Variants in MEGF11 observed in about 807,000 individuals in gnomAD.
MEGF11 encodes the protein multiple epidermal growth factor-like domains protein 11.
MEGF11 carries 126 observed loss-of-function variants against 146.6 expected under a neutral mutation model. The ratio of observed to expected loss-of-function variants is 0.86; its 90% CI spans 0.74 to 1.00. The LOEUF is 1.00. Ranked by LOEUF, MEGF11 falls within the 50% of genes least tolerant of loss-of-function variation. The probability of loss-of-function intolerance (pLI) is 0.00; values close to 1 mark genes in which losing one functional copy is unlikely to be tolerated. For missense variants in MEGF11, 1,509 were observed against 1,521.2 expected (o/e 0.99, Z 0.13); for synonymous variants, 532 against 583.4 (o/e 0.91, Z 1.27).
chr15:65,918,216 G>GA lies in MEGF11; in HGVS notation c.1958-123dup, dbSNP rs941370149. ...TGATCACCCAGGGGTCATGGATCTG[G>GA]ATGGAGACCACGCCCGCCTTGGTAC... is the stretch of plus-strand genomic sequence containing the variant. On this transcript the variant is annotated intron_variant, in intron 15 of 25. Coordinates refer to ENST00000395614, the MANE Select transcript of MEGF11 (RefSeq NM_001385028.1). The GA allele has an allele frequency of 3.5e-6, 5 of 1,417,798 alleles. No homozygotes were observed. In the African/African-American group the frequency reaches 7.1e-5, roughly 20 times the overall value. The allele number at this position is 1,417,798 out of a possible 1,614,324, so 87.8% of individuals were successfully genotyped here.
At chr15:66,117,102 G>A (rs540695129) in intron 4 of MEGF11, among the ~76,000 whole-genome samples, 2 of 152,324 alleles carry the variant, frequency 1.3e-5, no homozygotes, top group East Asian at 3.9e-4. Context: ...AGATGGATCA[G>A]CGTATGTAAA....
chr15:66,059,900 G>A (rs902944804), intron 5 of MEGF11, among the ~76,000 whole-genome samples: 2 of 152,158 alleles, frequency 1.3e-5, no homozygotes, highest in Admixed American at 6.5e-5. Context: ...TATCTTGCTC[G>A]AAAAACAACC....
intron 1 of MEGF11, among the ~76,000 whole-genome samples, chr15:66,251,340 C>A (rs1406321182): frequency 3.3e-5 from 5 of 152,228 alleles, no homozygotes; most frequent in African/African-American, 9.6e-5. Flanking sequence ...CCTAATCCAG[C>A]CCCTCCCGAA....
chr15:66,021,121 A>G (rs1004613240), intron 5 of MEGF11, among the ~76,000 whole-genome samples: 2 of 151,452 alleles, frequency 1.3e-5, no homozygotes, highest in African/African-American at 2.4e-5. Context: ...GAAATTCCCA[A>G]CCTCTCTTGG....
rs779114653 is a variant in MEGF11 at position 66,094,472 on chromosome 15, C to G, written c.324G>C (p.Val108=). The G allele has an allele frequency of 3.8e-6, 6 of 1,560,770 alleles. No individual in the cohort carries two copies. In the Admixed American group the frequency reaches 1.2e-4, roughly 30 times the overall value. The change falls in exon 5 of 26, where the codon GTG becomes GTC. Residue 108 remains valine (V), a synonymous_variant. Transcript: ENST00000395614. ...FCIPLCTEEC[V]HGRCVSPDTC... ...TGTCCGGGGAAACGCAGCGGCCGTGCACACACTCCTCCGTACACAGGGCTG... is the reference window on the plus strand; with the variant it reads ...TGTCCGGGGAAACGCAGCGGCCGTGGACACACTCCTCCGTACACAGGGCTG...
rs2088508321 is a variant in MEGF11 at position 66,128,748 on chromosome 15, ACCCAGGGAC to A, written c.-8-346_-8-338del. On this transcript the variant is annotated intron_variant, in intron 1 of 25. Transcript: ENST00000395614. ...CTCAGGCCCCCGGGCCCATCCTTGGACCCAGGGACCCCAGATCTGGACTGCTTTAAAGGG... is the reference window on the plus strand; with the variant it reads ...CTCAGGCCCCCGGGCCCATCCTTGGACCCAGATCTGGACTGCTTTAAAGGG... Among the ~76,000 whole-genome samples the A allele has an allele frequency of 2.6e-5, 4 of 152,082 alleles. No individual in the cohort carries two copies. In the South Asian group the frequency reaches 8.3e-4, roughly 32 times the overall value.
At chr15:65,931,752 A>T (rs1475263230) in intron 10 of MEGF11, among the ~76,000 whole-genome samples, 1 of 152,232 alleles carries the variant, frequency 6.6e-6, no homozygotes, top group Non-Finnish European at 1.5e-5. Context: ...CATTTGCCTG[A>T]GCCTCAGAGA....
chr15:65,976,105 T>TCA (rs2081438064), intron 7 of MEGF11, among the ~76,000 whole-genome samples: 5 of 149,106 alleles, frequency 3.4e-5, no homozygotes, highest in African/African-American at 1.2e-4. Context: ...TGCAATGATG[T>TCA]GATCTCAGCT....
chr15:65,899,248 A>T (rs2078432737), intron 24 of MEGF11, among the ~76,000 whole-genome samples: 1 of 152,154 alleles, frequency 6.6e-6, no homozygotes, highest in Non-Finnish European at 1.5e-5. Flanking sequence ...AGGGTTGCTG[A>T]TAGTTGCATT....
chr15:65,963,734 C>T (rs1391246550), intron 9 of MEGF11, among the ~76,000 whole-genome samples: 1 of 152,242 alleles, frequency 6.6e-6, no homozygotes, highest in African/African-American at 2.4e-5. Flanking sequence ...CCTCTCTGGA[C>T]AGTCTCTTTC....
At chr15:66,007,464 C>T (rs367980695) in intron 5 of MEGF11, among the ~76,000 whole-genome samples, 83 of 152,220 alleles carry the variant, frequency 5.5e-4, no homozygotes, top group African/African-American at 2.0e-3. Flanking sequence ...GAAATGATGG[C>T]CCAGGCTGGG....
intron 1 of MEGF11, among the ~76,000 whole-genome samples, chr15:66,138,031 C>A (rs1188802036): frequency 6.6e-6 from 1 of 152,136 alleles, no homozygotes; most frequent in Non-Finnish European, 1.5e-5. Flanking sequence ...TGGGTGAGAT[C>A]CAACCTGCGT....
At position 66,157,940 on chromosome 15, in the gene MEGF11, G is replaced by T. The variant is rs532192206; in HGVS notation, c.-8-29529C>A. Among the ~76,000 whole-genome samples, 29 of 152,296 alleles carry T rather than the reference G, an allele frequency of 1.9e-4. No individual in the cohort carries two copies. In the South Asian group the frequency reaches 4.6e-3, roughly 24 times the overall value. On this transcript the variant is annotated intron_variant, in intron 1 of 25. Transcript: ENST00000395614. ...AATATACGTGCCAACCTCTGAGGTG[G>T]TAATAGGAACACAGGCACAGGATTT... is the stretch of plus-strand genomic sequence containing the variant.
chr15:65,945,754 G>T (rs2080169452), intron 10 of MEGF11, among the ~76,000 whole-genome samples: 1 of 152,114 alleles, frequency 6.6e-6, no homozygotes, highest in Non-Finnish European at 1.5e-5. Flanking sequence ...CCCATCATTT[G>T]TCAGCCATTT....
intron 1 of MEGF11, among the ~76,000 whole-genome samples, chr15:66,145,241 G>A (rs2089321409): frequency 6.6e-6 from 1 of 152,122 alleles, no homozygotes; most frequent in African/African-American, 2.4e-5. Flanking sequence ...AACTCTGTGA[G>A]CTGCAATGAA....
chr15:66,249,952 T>A (rs2092347906), intron 1 of MEGF11, among the ~76,000 whole-genome samples: 1 of 152,244 alleles, frequency 6.6e-6, no homozygotes, highest in Non-Finnish European at 1.5e-5. Context: ...AGGGAACACC[T>A]GGATTCTATA....
intron 13 of MEGF11, among the ~76,000 whole-genome samples, chr15:65,923,376 G>A (rs1174264483): frequency 2.0e-5 from 3 of 152,190 alleles, no homozygotes; most frequent in Non-Finnish European, 4.4e-5. Flanking sequence ...AGGACCGGGA[G>A]GAACCAACTA....
intron 1 of MEGF11, among the ~76,000 whole-genome samples, chr15:66,240,629 A>G (rs2092191300): frequency 6.6e-6 from 1 of 152,192 alleles, no homozygotes; most frequent in African/African-American, 2.4e-5. Context: ...TCACAACCCT[A>G]TGTATTATTA....
At chr15:66,207,902 G>A (rs1440928880) in intron 1 of MEGF11, among the ~76,000 whole-genome samples, 1 of 152,034 alleles carries the variant, frequency 6.6e-6, no homozygotes, top group Non-Finnish European at 1.5e-5. Context: ...GGGCAACATG[G>A]CAAAACCCTG....
Sources: gnomAD v4.1 joint callset for allele counts (sites outside exome capture counted in the v4.1 genomes callset) on GRCh38, gnomAD v4.1.1 for gene constraint, MANE v1.5 for transcripts, NCBI Gene and HGNC (gene_info 2026-07-23, HGNC 2026-07-21) for gene names.